Variants in ATP6V1G3 observed in about 807,000 individuals in gnomAD.
ATP6V1G3 encodes V-type proton ATPase subunit G 3.
In ATP6V1G3, 9 loss-of-function variants were observed where a neutral mutation model predicts 9.3. The ratio of observed to expected loss-of-function variants is 0.97; its 90% CI spans 0.59 to 1.69. ATP6V1G3 has a LOEUF of 1.69. ATP6V1G3 is among the 40% of genes most tolerant of loss of function. The pLI is 0.00. For synonymous variants in ATP6V1G3, 43 were observed against 43.8 expected, an observed-to-expected ratio of 0.98 and a Z score of 0.07; for missense variants, 133 against 139.0, an observed-to-expected ratio of 0.96 and a Z score of 0.22.
At chr1:198,540,360 T>C (rs1348811129) in intron 1 of ATP6V1G3, among the ~76,000 whole-genome samples, 1 of 152,190 alleles carries the variant, frequency 6.6e-6, no homozygotes, top group Non-Finnish European at 1.5e-5. Flanking sequence ...ACATGACCTC[T>C]CAAAAGGATC....
In ATP6V1G3 at chr1:198,523,618, T is replaced by G; in HGVS notation, c.184-54A>C. On this transcript the variant is annotated intron_variant, in intron 2 of 2. Transcript: ENST00000367382. Reference sequence around the variant, plus strand: ...ATCATAATACAATTGTTTTACAAGTTAAATTTGTCCTAGCCTGTTTACTGA... The same window carrying G: ...ATCATAATACAATTGTTTTACAAGTGAAATTTGTCCTAGCCTGTTTACTGA... The G allele has an allele frequency of 1.9e-6, 3 of 1,541,134 alleles. No individual in the cohort carries two copies. The South Asian group carries it at 3.5e-5, about 18-fold the overall frequency.
rs1484689236 is a variant in ATP6V1G3 at position 198,523,557 on chromosome 1, C to A, written c.191G>T (p.Gly64Val). ...EFRLKQSKIM[G>V]SQNNLSDEIE... ...TTCATCTGAGAGATTATTCTGAGAG[C>A]CCATTATCTACCAAAACAAAACAGA... is the stretch of plus-strand genomic sequence containing the variant. Residue 64 changes from glycine (G) to valine (V), a missense_variant, in exon 3 of 3, where the codon GGC becomes GTC. Coordinates refer to ENST00000367382, the MANE Select transcript of ATP6V1G3 (RefSeq NM_001376861.1). 1 of 1,609,874 alleles carries A rather than the reference C, an allele frequency of 6.2e-7. No homozygotes were observed. Among genetic ancestry groups the A allele is most frequent in the East Asian group, 2.2e-5 (1 of 44,772 alleles).
chr1:198,523,581 G>T lies in ATP6V1G3; in HGVS notation c.184-17C>A, dbSNP rs1414131823. 1.6e-5 allele frequency: 26 copies of T among 1,604,300 alleles called. No individual in the cohort carries two copies. The East Asian group carries it at 5.8e-4, about 36-fold the overall frequency. ...GCCCATTATCTACCAAAACAAAACA[G>T]ACAGAATTCACATCATAATACAATT... On this transcript the variant is annotated splice_polypyrimidine_tract_variant and intron_variant, in intron 2 of 2. Coordinates refer to ENST00000367382, the MANE Select transcript of ATP6V1G3 (RefSeq NM_001376861.1).
rs1190986646 is a variant in ATP6V1G3, at chr1:198,533,197, G to T, written c.83-4016C>A. Among the ~76,000 whole-genome samples, 11 of 151,872 alleles carry T rather than the reference G, an allele frequency of 7.2e-5. No individual in the cohort carries two copies. In the East Asian group the frequency reaches 1.6e-3, roughly 21 times the overall value. On this transcript the variant is annotated intron_variant, in intron 1 of 2. Transcript: ENST00000367382. ...TGCGTGCCTGTAGTTCCAGCTATTTGGGAGGCTGAGGCAGGAGAATCGCTT... is the reference window on the plus strand; with the variant it reads ...TGCGTGCCTGTAGTTCCAGCTATTTTGGAGGCTGAGGCAGGAGAATCGCTT...
intron 1 of ATP6V1G3, among the ~76,000 whole-genome samples, chr1:198,536,005 T>G (rs965445152): frequency 6.6e-6 from 1 of 151,746 alleles, no homozygotes; most frequent in East Asian, 1.9e-4. Flanking sequence ...TTACATTTTT[T>G]TTTGCTATTT....
At chr1:198,524,323 C>T (rs1205100903) in intron 2 of ATP6V1G3, among the ~76,000 whole-genome samples, 2 of 151,988 alleles carry the variant, frequency 1.3e-5, no homozygotes, top group African/African-American at 2.4e-5. Flanking sequence ...CCGGGTTTCA[C>T]TTTGTTGGCC....
intron 1 of ATP6V1G3, chr1:198,536,743 A>G (rs1441401401): frequency 6.3e-6 from 10 of 1,585,994 alleles, no homozygotes; most frequent in South Asian, 4.4e-5. Context: ...AGGGGTAAAA[A>G]CAAATGGAAT....
At chr1:198,528,642 A>T (rs1376312973) in intron 2 of ATP6V1G3, among the ~76,000 whole-genome samples, 1 of 152,126 alleles carries the variant, frequency 6.6e-6, no homozygotes, top group African/African-American at 2.4e-5. Context: ...GCTTTTCAGA[A>T]ATTTGCAACA....
At chr1:198,532,078 G>A (rs543291776) in intron 1 of ATP6V1G3, among the ~76,000 whole-genome samples, 1 of 152,106 alleles carries the variant, frequency 6.6e-6, no homozygotes, top group Admixed American at 6.6e-5. Context: ...TTGGAGGTAT[G>A]CAGACGACAG....
intron 1 of ATP6V1G3, 73 bp downstream of exon 1, chr1:198,540,496 A>G: frequency 6.6e-7 from 1 of 1,513,444 alleles, no homozygotes; most frequent in Non-Finnish European, 9.2e-7. Context: ...TGCCTAATCC[A>G]AAAGTCTATG....
At chr1:198,529,341 G>A (rs1659799817) in intron 1 of ATP6V1G3, among the ~76,000 whole-genome samples, 160 bp from the exon 2 acceptor site, 1 of 150,732 alleles carries the variant, frequency 6.6e-6, no homozygotes, top group African/African-American at 2.4e-5. Context: ...TTTTAAAATA[G>A]ATACATTCTT....
intron 1 of ATP6V1G3, among the ~76,000 whole-genome samples, chr1:198,535,669 A>G (rs1476708363): frequency 6.6e-6 from 1 of 152,148 alleles, no homozygotes; most frequent in African/African-American, 2.4e-5. Flanking sequence ...CTATATGCCA[A>G]GTGGTGTTTT....
At chr1:198,527,840 A>G (rs919589821) in intron 2 of ATP6V1G3, among the ~76,000 whole-genome samples, 1 of 152,198 alleles carries the variant, frequency 6.6e-6, no homozygotes, top group African/African-American at 2.4e-5. Flanking sequence ...GAGGAAAAAG[A>G]GTGGACTACA....
intron 2 of ATP6V1G3, among the ~76,000 whole-genome samples, chr1:198,525,168 A>G (rs979060352): frequency 6.6e-6 from 1 of 152,218 alleles, no homozygotes; most frequent in Non-Finnish European, 1.5e-5. Flanking sequence ...TTAAAATAGA[A>G]GAGAACTACT....
chr1:198,528,649 A>G (rs1659760465), intron 2 of ATP6V1G3, among the ~76,000 whole-genome samples: 1 of 152,118 alleles, frequency 6.6e-6, no homozygotes, highest in South Asian at 2.1e-4. Flanking sequence ...AGAAATTTGC[A>G]ACAATATCTA....
At chr1:198,525,118 A>C (rs1175486637) in intron 2 of ATP6V1G3, among the ~76,000 whole-genome samples, 1 of 152,236 alleles carries the variant, frequency 6.6e-6, no homozygotes, top group Non-Finnish European at 1.5e-5. Flanking sequence ...TACAAGAAGC[A>C]GAAACATATG....
chr1:198,532,106 G>A (rs549645242), intron 1 of ATP6V1G3, among the ~76,000 whole-genome samples: 14 of 152,206 alleles, frequency 9.2e-5, no homozygotes, highest in African/African-American at 3.4e-4. Flanking sequence ...GACAAAATTG[G>A]GATGCAGGAG....
At chr1:198,529,509 C>G (rs73077371) in intron 1 of ATP6V1G3, among the ~76,000 whole-genome samples, 1 of 151,940 alleles carries the variant, frequency 6.6e-6, no homozygotes, top group East Asian at 1.9e-4. Flanking sequence ...TTACTCACAG[C>G]AGTAATGCCA....
In ATP6V1G3 at chr1:198,523,445, G is replaced by A; in HGVS notation, c.303C>T (p.Ser101=). 6.2e-7 allele frequency: 1 copy of A among 1,613,392 alleles called. No homozygotes were observed. The highest frequency in any genetic ancestry group is 8.5e-7 in the Non-Finnish European group (1 of 1,179,704). ...YMESVMNQLL[S]MVCDMKPEIH... is the part of the protein sequence containing the mutation. ...TTTCTGGTTTCATGTCACAGACCAT[G>A]CTCAAGAGCTGGTTCATCACACTTT... The change falls in exon 3 of 3, where the codon AGC becomes AGT. Residue 101 remains serine (S), a synonymous_variant. Coordinates refer to ENST00000367382, the MANE Select transcript of ATP6V1G3 (RefSeq NM_001376861.1).
Sources: allele counts gnomAD v4.1 joint callset (sites outside exome capture counted in the v4.1 genomes callset), GRCh38; gene constraint gnomAD v4.1.1; transcripts MANE v1.5; gene names NCBI Gene and HGNC (gene_info 2026-07-23, HGNC 2026-07-21).